Variants in CNN3 observed in about 807,000 individuals in gnomAD.
The protein encoded by CNN3 is calponin-3.
In CNN3, 11 loss-of-function variants were observed where a neutral mutation model predicts 39.0. The ratio of observed to expected loss-of-function variants is 0.28; its 90% CI spans 0.18 to 0.47. The LOEUF (loss-of-function observed/expected upper bound fraction) is 0.47, where lower values mean the gene tolerates loss of function less well. CNN3 is among the 20% of genes least tolerant of loss of function. CNN3 has a pLI of 0.99. For missense variants in CNN3, 266 were observed against 403.4 expected, an observed-to-expected ratio of 0.66 and a Z score of 2.92; for synonymous variants, 101 against 138.3, an observed-to-expected ratio of 0.73 and a Z score of 1.89.
intron 1 of CNN3, among the ~76,000 whole-genome samples, chr1:94,913,719 T>A (rs1298785143): frequency 6.6e-6 from 1 of 152,084 alleles, no homozygotes; most frequent in Non-Finnish European, 1.5e-5. Flanking sequence ...GCAGGTTAGC[T>A]CCCATCTAAA....
chr1:94,902,473 A>G (rs1207582884), intron 3 of CNN3, among the ~76,000 whole-genome samples: 1 of 152,140 alleles, frequency 6.6e-6, no homozygotes, highest in East Asian at 1.9e-4. Flanking sequence ...CAGTCTTAAT[A>G]TTTTTAAGCA....
intron 1 of CNN3, among the ~76,000 whole-genome samples, chr1:94,909,829 C>T (rs911840423): frequency 2.0e-5 from 3 of 151,854 alleles, no homozygotes; most frequent in East Asian, 1.9e-4. Context: ...TGGTACTTCT[C>T]GGTGTACGCC....
At chr1:94,908,540 GTTGTTTGT>G (rs113252372) in intron 1 of CNN3, among the ~76,000 whole-genome samples, 1 of 152,046 alleles carries the variant, frequency 6.6e-6, no homozygotes, top group African/African-American at 2.4e-5. Flanking sequence ...GTTTTTTGTT[GTTGTTTGT>G]TTGTTTTTTT....
In CNN3 at chr1:94,926,203, T is replaced by C. The variant is rs968745640; in HGVS notation, c.57+635A>G. On this transcript the variant is annotated intron_variant, in intron 1 of 6. Transcript: ENST00000370206. The surrounding 1 kb of genome is among the most constrained non-coding windows in gnomAD (Gnocchi z 4.2). ...AGATATCACTCGCACAGTGGCGCGC[T>C]CAGGCTTTGTCTCCATTTCCCGCAA... Among the ~76,000 whole-genome samples the C allele has an allele frequency of 5.3e-5, 8 of 152,166 alleles. No individual in the cohort carries two copies. The South Asian group carries it at 1.7e-3, about 32-fold the overall frequency.
chr1:94,914,245 AACG>A, intron 1 of CNN3, among the ~76,000 whole-genome samples: 1 of 152,258 alleles, frequency 6.6e-6, no homozygotes, highest in East Asian at 1.9e-4. Flanking sequence ...ATCTTTCCAT[AACG>A]ACAAGGCACA....
chr1:94,917,698 T>C (rs2101736820), intron 1 of CNN3, among the ~76,000 whole-genome samples: 1 of 152,336 alleles, frequency 6.6e-6, no homozygotes, highest in African/African-American at 2.4e-5. Context: ...TGGAAATCCA[T>C]ACAACAGACT....
At chr1:94,915,644 G>A (rs1245872258) in intron 1 of CNN3, among the ~76,000 whole-genome samples, 3 of 152,128 alleles carry the variant, frequency 2.0e-5, no homozygotes, top group African/African-American at 7.2e-5. Flanking sequence ...AGACAACCAG[G>A]CTCTAACAAA....
In CNN3 at chr1:94,926,891, T is replaced by C; in HGVS notation, c.4A>G (p.Thr2Ala). M[T>A]HFNKGPSYGL... ...TAGGAAGGGCCCTTGTTGAAGTGGGTCATGGTGGTTCGGGCGGCGGGAAGA... is the reference window on the plus strand; with the variant it reads ...TAGGAAGGGCCCTTGTTGAAGTGGGCCATGGTGGTTCGGGCGGCGGGAAGA... Residue 2 changes from threonine to alanine, a missense_variant, in exon 1 of 7, where the codon ACC (threonine) becomes GCC (alanine). Thr to Ala is a moderately conservative substitution (Grantham distance 58, BLOSUM62 0). Coordinates refer to ENST00000370206, the MANE Select transcript of CNN3 (RefSeq NM_001839.5). The surrounding 1 kb of genome is among the most constrained non-coding windows in gnomAD (Gnocchi z 4.2). 6.2e-7 allele frequency: 1 copy of C among 1,608,308 alleles called. No individual in the cohort carries two copies.
intron 1 of CNN3, 124 bp from the exon 2 acceptor site, chr1:94,903,648 C>G (rs1670925433): frequency 8.1e-7 from 1 of 1,234,772 alleles, no homozygotes; most frequent in African/African-American, 1.5e-5. Context: ...AAATGACACT[C>G]AATAGATCTC....
chr1:94,923,984 A>T (rs1480964985), intron 1 of CNN3, among the ~76,000 whole-genome samples: 3 of 152,132 alleles, frequency 2.0e-5, no homozygotes, highest in Admixed American at 2.0e-4. Context: ...TAGAACTCAC[A>T]TATGCTAGAC....
Position 94,927,019 on chromosome 1 carries a change from C to T in CNN3, c.-125G>A. 9.4e-7 allele frequency: 1 copy of T among 1,062,822 alleles called. No individual in the cohort carries two copies. The highest frequency in any genetic ancestry group is 1.4e-6 in the Non-Finnish European group (1 of 738,406). 65.8% of individuals were successfully genotyped at this position (1,062,822 alleles called of 1,614,324 possible). A position where few individuals can be genotyped will look rare whatever the true frequency, so the allele number is the denominator to read the frequency against. On this transcript the variant is annotated 5_prime_UTR_variant, in exon 1 of 7. Coordinates refer to ENST00000370206, the MANE Select transcript of CNN3 (RefSeq NM_001839.5). The stretch of plus-strand genomic sequence containing the variant: ...CTCGAACTCCCTCCTCTGGGAGGCG[C>T]AGGAGACGGCCGCGGGGCGCGGGCG...
At chr1:94,919,594 T>C (rs1028504785) in intron 1 of CNN3, among the ~76,000 whole-genome samples, 1 of 152,136 alleles carries the variant, frequency 6.6e-6, no homozygotes, top group African/African-American at 2.4e-5. Context: ...CTGCAGATAA[T>C]GGAGAAAGAT....
chr1:94,916,152 C>T (rs1236978326), intron 1 of CNN3, among the ~76,000 whole-genome samples: 1 of 152,184 alleles, frequency 6.6e-6, no homozygotes, highest in African/African-American at 2.4e-5. Flanking sequence ...CCTTAGTACT[C>T]TCTCCTAACC....
At chr1:94,905,934 T>A (rs1451060503) in intron 1 of CNN3, among the ~76,000 whole-genome samples, 1 of 152,158 alleles carries the variant, frequency 6.6e-6, no homozygotes, top group Admixed American at 6.5e-5. Context: ...AATAAACCCA[T>A]TTTTATGGCA....
intron 1 of CNN3, among the ~76,000 whole-genome samples, chr1:94,923,489 T>C (rs1462683975): frequency 1.3e-5 from 2 of 148,628 alleles, no homozygotes; most frequent in African/African-American, 4.9e-5. Flanking sequence ...GCTGAAAGAC[T>C]GGAATTCTTA....
Position 94,903,443 on chromosome 1 carries a change from T to G in CNN3, c.139A>C (p.Asn47His). 1.2e-6 allele frequency: 2 copies of G among 1,609,750 alleles called. No homozygotes were observed. Reference sequence around the variant, plus strand: ...CCATCCTTTAAGCCCAGCTGGAAGTTGGGGCCAATGCTCATGCCTGTCACC... The same window carrying G: ...CCATCCTTTAAGCCCAGCTGGAAGTGGGGGCCAATGCTCATGCCTGTCACC... ...EEVTGMSIGPNFQLGLKDGII... is the reference protein window; with the variant it reads ...EEVTGMSIGPHFQLGLKDGII... The change falls in exon 2 of 7, where the codon AAC becomes CAC. Residue 47 changes from asparagine (N) to histidine (H), a missense_variant. Transcript: ENST00000370206.
intron 1 of CNN3, among the ~76,000 whole-genome samples, chr1:94,921,112 G>A (rs913529440): frequency 6.6e-6 from 1 of 152,146 alleles, no homozygotes; most frequent in Admixed American, 6.5e-5. Context: ...GAAAATGCAG[G>A]GCTGGGCACA....
intron 1 of CNN3, among the ~76,000 whole-genome samples, chr1:94,916,433 T>C (rs767398876): frequency 6.6e-6 from 1 of 152,116 alleles, no homozygotes; most frequent in Non-Finnish European, 1.5e-5. Context: ...AGGACGATCC[T>C]GTCTCAAACA....
At chr1:94,914,651 G>T (rs1310048771) in intron 1 of CNN3, among the ~76,000 whole-genome samples, 2 of 152,170 alleles carry the variant, frequency 1.3e-5, no homozygotes, top group East Asian at 3.9e-4. Flanking sequence ...CTAGATCCAG[G>T]TCTAGATCTC....
Sources: allele counts gnomAD v4.1 joint callset (sites outside exome capture counted in the v4.1 genomes callset), GRCh38; gene constraint gnomAD v4.1.1; non-coding constraint Gnocchi (gnomAD v3.1); transcripts MANE v1.5; gene names NCBI Gene and HGNC (gene_info 2026-07-23, HGNC 2026-07-21).